PGBD5: variants seen among roughly 807,000 people sequenced by gnomAD.
The protein encoded by PGBD5 is piggyBac transposable element derived 5, also known as piggyBac transposable element-derived protein 5.
In PGBD5, 14 loss-of-function variants were observed where a neutral mutation model predicts 47.9. The ratio of observed to expected loss-of-function variants is 0.29; its 90% confidence interval spans 0.19 to 0.46. The LOEUF is 0.46. PGBD5 is among the 20% of genes least tolerant of loss of function. The pLI is 1.00. For synonymous variants in PGBD5, 316 were observed against 306.3 expected, an observed-to-expected ratio of 1.03 and a Z score of -0.33; for missense variants, 635 against 716.0, an observed-to-expected ratio of 0.89 and a Z score of 1.29.
Position 230,357,003 on chromosome 1 carries a change from A to G in PGBD5, c.650T>C (p.Val217Ala). The change falls in exon 2 of 7, where the codon GTC becomes GCC. Residue 217 changes from valine to alanine, a missense_variant. By Grantham distance (64) the Val-to-Ala change is moderately conservative (BLOSUM62 0). Coordinates refer to ENST00000391860, the MANE Select transcript of PGBD5 (RefSeq NM_001258311.2). The surrounding 1 kb of genome is among the most constrained non-coding windows in gnomAD (Gnocchi z 5.7). Reference protein sequence around the residue: ...RFEKILKYFHVVAFRSSQTTH... With the variant: ...RFEKILKYFHAVAFRSSQTTH... ...GGTCTGGCTGGAGCGGAAGGCCACG[A>G]CGTGGAAGTACTTGAGGATCTTCTC... 1 of 1,614,174 alleles carries G rather than the reference A, an allele frequency of 6.2e-7. No homozygotes were observed. Among genetic ancestry groups the G allele is most frequent in the Non-Finnish European group, 8.5e-7 (1 of 1,180,038 alleles).
At chr1:230,335,737 TTACACAAA>T (rs1667304785) in intron 4 of PGBD5, among the ~76,000 whole-genome samples, 3 of 1,850 alleles carry the variant, frequency 1.6e-3, no homozygotes, top group South Asian at 0.042. Flanking sequence ...ACACACAGAC[TTACACAAA>T]GACACACACA....
At chr1:230,418,775 T>C (rs900491136) in intron 1 of PGBD5, among the ~76,000 whole-genome samples, 1 of 152,216 alleles carries the variant, frequency 6.6e-6, no homozygotes, top group Admixed American at 6.5e-5. Flanking sequence ...AGGCTAGGCA[T>C]GAGCCACTGC....
intron 1 of PGBD5, among the ~76,000 whole-genome samples, chr1:230,365,725 G>C (rs1029326171): frequency 6.6e-6 from 1 of 152,212 alleles, no homozygotes; most frequent in Non-Finnish European, 1.5e-5. Flanking sequence ...CACACGCTCG[G>C]CTCGAGGGCC....
intron 1 of PGBD5, among the ~76,000 whole-genome samples, chr1:230,398,733 C>T (rs909172113): frequency 6.6e-6 from 1 of 152,204 alleles, no homozygotes; most frequent in Admixed American, 6.5e-5. Flanking sequence ...AGTGACCCCA[C>T]CCCACAGCTC....
chr1:230,342,565 T>C lies in PGBD5; in HGVS notation c.895-5277A>G, dbSNP rs543321669. On this transcript the variant is annotated intron_variant, in intron 3 of 6. Coordinates refer to ENST00000391860, the MANE Select transcript of PGBD5 (RefSeq NM_001258311.2). ...TGCATGGGACAGCCACTTGAGAGAG[T>C]TGTGAATTGTAAATGACAGTCACTT... Among the ~76,000 whole-genome samples, 23 of 150,554 alleles carry C rather than the reference T, an allele frequency of 1.5e-4. 3 individuals carry two copies. The South Asian group carries it at 4.7e-3, about 31-fold the overall frequency.
intron 1 of PGBD5, among the ~76,000 whole-genome samples, chr1:230,398,477 A>G (rs1657054458): frequency 6.6e-6 from 1 of 152,200 alleles, no homozygotes; most frequent in Admixed American, 6.5e-5. Context: ...ATTACCTTTT[A>G]AAGACCTCAT....
chr1:230,378,541 C>T (rs1186184143), intron 1 of PGBD5, among the ~76,000 whole-genome samples: 2 of 152,310 alleles, frequency 1.3e-5, no homozygotes, highest in East Asian at 1.9e-4. Flanking sequence ...GAGATGGGAG[C>T]TGGGATTTCT....
intron 2 of PGBD5, among the ~76,000 whole-genome samples, chr1:230,354,197 T>C (rs1667601221): frequency 6.6e-6 from 1 of 150,380 alleles, no homozygotes; most frequent in Non-Finnish European, 1.5e-5. Context: ...TGACTTACCT[T>C]GCTCTACACC....
chr1:230,422,709 G>A (rs1334791416), intron 1 of PGBD5, among the ~76,000 whole-genome samples: 1 of 152,204 alleles, frequency 6.6e-6, no homozygotes, highest in Non-Finnish European at 1.5e-5. Context: ...TTCCGGAGGA[G>A]CTGATCTAGG....
chr1:230,397,117 T>C (rs924630003), intron 1 of PGBD5, among the ~76,000 whole-genome samples: 3 of 152,184 alleles, frequency 2.0e-5, no homozygotes, highest in Non-Finnish European at 4.4e-5. Flanking sequence ...AAGACTCCAC[T>C]GAGGCCTCCC....
chr1:230,337,265 A>G lies in PGBD5; in HGVS notation c.918T>C (p.Gly306=). 1.2e-6 allele frequency: 2 copies of G among 1,612,600 alleles called. No homozygotes were observed. Among genetic ancestry groups the G allele is most frequent in the Non-Finnish European group, 1.7e-6 (2 of 1,179,662 alleles). ...GCGCATCCAGGCCATCTGGGCCCCC[A>G]CCTTCCTTCAGGTGGACATAAATCT... The part of the protein sequence containing the change: ...IIQIYVHLKE[G]GGPDGLDALK... The change falls in exon 4 of 7, where the codon GGT becomes GGC. Residue 306 remains glycine (G), a synonymous_variant. Coordinates refer to ENST00000391860, the MANE Select transcript of PGBD5 (RefSeq NM_001258311.2).
intron 1 of PGBD5, among the ~76,000 whole-genome samples, chr1:230,369,724 C>T (rs1363284492): frequency 6.6e-6 from 1 of 152,086 alleles, no homozygotes; most frequent in Admixed American, 6.5e-5. Context: ...TTTCCACAAC[C>T]CTGGGGTACT....
chr1:230,392,538 C>A (rs1414421558), intron 1 of PGBD5, among the ~76,000 whole-genome samples: 2 of 152,186 alleles, frequency 1.3e-5, no homozygotes, highest in East Asian at 3.9e-4. Context: ...CTCGCAGGAG[C>A]CCTGGGAGGG....
At chr1:230,403,027 C>A (rs1310683541) in intron 1 of PGBD5, among the ~76,000 whole-genome samples, 4 of 152,166 alleles carry the variant, frequency 2.6e-5, no homozygotes, top group African/African-American at 9.7e-5. Flanking sequence ...AGCTGCCCAT[C>A]GGTGTGTAAT....
At chr1:230,358,941 G>A (rs1011479727) in intron 1 of PGBD5, among the ~76,000 whole-genome samples, 1 of 152,100 alleles carries the variant, frequency 6.6e-6, no homozygotes, top group African/African-American at 2.4e-5. Flanking sequence ...CTCTGTGTGT[G>A]TACACACATA....
At chr1:230,354,019 G>A (rs1385410351) in intron 2 of PGBD5, among the ~76,000 whole-genome samples, 1 of 152,220 alleles carries the variant, frequency 6.6e-6, no homozygotes, top group Admixed American at 6.5e-5. Context: ...CCCTGGGAGA[G>A]CCAGGCCCAC....
intron 5 of PGBD5, among the ~76,000 whole-genome samples, chr1:230,326,841 G>A (rs538586458): frequency 2.8e-4 from 43 of 152,070 alleles, no homozygotes; most frequent in Admixed American, 2.0e-3. Flanking sequence ...CCCCAGCTCC[G>A]TCCTTTCATG....
At chr1:230,351,982 G>C (rs1667565878) in intron 2 of PGBD5, among the ~76,000 whole-genome samples, 1 of 152,160 alleles carries the variant, frequency 6.6e-6, no homozygotes, top group African/African-American at 2.4e-5. Flanking sequence ...TCAGGAACGT[G>C]CTACACTTCC....
chr1:230,339,121 A>G (rs1667371612), intron 3 of PGBD5, among the ~76,000 whole-genome samples: 1 of 152,220 alleles, frequency 6.6e-6, no homozygotes, highest in Non-Finnish European at 1.5e-5. Context: ...CTTCCACACC[A>G]GGCACTTCTA....
Sources: allele counts gnomAD v4.1 joint callset (sites outside exome capture counted in the v4.1 genomes callset), GRCh38; gene constraint gnomAD v4.1.1; non-coding constraint Gnocchi (gnomAD v3.1); transcripts MANE v1.5; gene names NCBI Gene and HGNC (gene_info 2026-07-23, HGNC 2026-07-21).